The following CAPN13 variants were observed in gnomAD, a reference collection of about 807,000 sequenced individuals.
CAPN13 encodes the protein calpain-13.
In CAPN13, 90 loss-of-function variants were observed where a neutral mutation model predicts 98.4. The ratio of observed to expected loss-of-function variants is 0.92; its 90% confidence interval spans 0.77 to 1.09. The LOEUF (loss-of-function observed/expected upper bound fraction) is 1.09. Among genes scored for constraint, CAPN13 ranks in the 50% least tolerant of loss-of-function variants. The probability of loss-of-function intolerance (pLI) is 0.00; values close to 1 mark genes in which losing one functional copy is unlikely to be tolerated. For missense variants in CAPN13, 887 were observed against 841.3 expected (o/e 1.05, Z -0.67); for synonymous variants, 330 against 305.5 (o/e 1.08, Z -0.84).
intron 15 of CAPN13, 35 bp from the exon 16 acceptor site, chr2:30,738,492 T>A (rs774498205): frequency 1.6e-5 from 26 of 1,577,552 alleles, no homozygotes; most frequent in Middle Eastern, 1.7e-4. Context: ...AGGAATTATA[T>A]CAGTGCCAGG....
intron 11 of CAPN13, among the ~76,000 whole-genome samples, chr2:30,747,451 G>T (rs956451224): frequency 2.0e-5 from 3 of 152,242 alleles, no homozygotes; most frequent in African/African-American, 7.2e-5. Context: ...TTCTCTGGAG[G>T]CCAAGGGTGA....
In CAPN13 at chr2:30,757,951, C is replaced by T. The variant is rs371312580; in HGVS notation, c.866+95G>A. The T allele has an allele frequency of 7.2e-5, 63 of 870,642 alleles. 1 individual carries two copies. The highest frequency in any genetic ancestry group is 4.9e-4 in the South Asian group (26 of 53,072). The allele number at this position is 870,642 out of a possible 1,614,324, so 53.9% of individuals were successfully genotyped here. On this transcript the variant is annotated intron_variant, in intron 8 of 22. Transcript: ENST00000295055. Reference sequence around the variant, plus strand: ...AGCTGGACAGGCCTGCAGTGAGATGCGCAGTGGCTAGATAGCCCCTGCTCT... The same window carrying T: ...AGCTGGACAGGCCTGCAGTGAGATGTGCAGTGGCTAGATAGCCCCTGCTCT...
intron 15 of CAPN13, among the ~76,000 whole-genome samples, chr2:30,739,870 C>T (rs1036878719): frequency 6.6e-6 from 1 of 152,100 alleles, no homozygotes; most frequent in African/African-American, 2.4e-5. Context: ...ATGCAAGATG[C>T]CCAAAAGCTA....
intron 1 of CAPN13, among the ~76,000 whole-genome samples, chr2:30,798,533 G>A (rs2148106141): frequency 6.6e-6 from 1 of 152,334 alleles, no homozygotes; most frequent in South Asian, 2.1e-4. Flanking sequence ...TCCGCAGGAT[G>A]CTCCTAGCAT....
At chr2:30,746,916 T>C (rs988931130) in intron 11 of CAPN13, among the ~76,000 whole-genome samples, 2 of 152,216 alleles carry the variant, frequency 1.3e-5, no homozygotes, top group African/African-American at 4.8e-5. Context: ...ACAGCAATGA[T>C]GATCGCACTG....
At chr2:30,776,332 A>G (rs2148050453) in intron 3 of CAPN13, among the ~76,000 whole-genome samples, 1 of 152,194 alleles carries the variant, frequency 6.6e-6, no homozygotes, top group African/African-American at 2.4e-5. Flanking sequence ...CCCGGGTTCA[A>G]GAGATTCTCC....
chr2:30,779,496 C>T (rs1473274367), intron 2 of CAPN13, among the ~76,000 whole-genome samples: 1 of 152,218 alleles, frequency 6.6e-6, no homozygotes, highest in African/African-American at 2.4e-5. Flanking sequence ...CCTTGTAAAG[C>T]TGGACCAGTC....
In CAPN13 at chr2:30,738,259, G is replaced by T. The variant is rs558727209; in HGVS notation, c.1629C>A (p.Cys543Ter). ...CTTCCATCAGAGCCACCAAGCTGCGGCACTCATCTAAGGAGAACATGTCCC... is the reference window on the plus strand; with the variant it reads ...CTTCCATCAGAGCCACCAAGCTGCGTCACTCATCTAAGGAGAACATGTCCC... ...PPGDMFSLDE[C>*]RSLVALMELK... Residue 543 changes from cysteine (C) to a stop codon, truncating the protein, a stop_gained, in exon 17 of 23, where the codon TGC (cysteine) becomes TGA (stop). Coordinates refer to ENST00000295055, the MANE Select transcript of CAPN13 (RefSeq NM_144575.3). LOFTEE classifies it high-confidence loss of function. The T allele has an allele frequency of 6.2e-7, 1 of 1,613,992 alleles. No individual in the cohort carries two copies. The highest frequency in any genetic ancestry group is 1.1e-5 in the South Asian group (1 of 91,070).
At chr2:30,777,091 G>A (rs762517087) in intron 3 of CAPN13, among the ~76,000 whole-genome samples, 5 of 152,170 alleles carry the variant, frequency 3.3e-5, no homozygotes, top group African/African-American at 4.8e-5. Context: ...TCTTTCTGAG[G>A]TTTCTCTTGG....
intron 15 of CAPN13, chr2:30,741,509 TG>T (rs1411135012): frequency 3.8e-6 from 4 of 1,049,326 alleles, no homozygotes; most frequent in Middle Eastern, 4.6e-4. Context: ...GCAAGGATGC[TG>T]TATGTGCTTT....
chr2:30,734,272 T>G (rs1022218584), intron 19 of CAPN13, among the ~76,000 whole-genome samples, 177 bp downstream of exon 19: 10 of 152,188 alleles, frequency 6.6e-5, no homozygotes, highest in Admixed American at 2.6e-4. Flanking sequence ...CAACTGTGTT[T>G]GAGTCTGCAA....
intron 5 of CAPN13, among the ~76,000 whole-genome samples, chr2:30,768,678 T>TTTCCTTCCTTCCTTCCTTCC (rs4021142): frequency 0.032 from 4,826 of 149,240 alleles, 266 homozygotes; most frequent in African/African-American, 0.1. Context: ...AACTTTCTTT[T>TTTCCTTCCTTCCTTCCTTCC]TTCCTTCCTT....
intron 1 of CAPN13, among the ~76,000 whole-genome samples, chr2:30,802,459 GTGTA>G (rs1675336667): frequency 1.6e-5 from 2 of 122,348 alleles, no homozygotes; most frequent in Admixed American, 7.7e-5. Context: ...ATGTGTGTGT[GTGTA>G]TGTGTGTGTG....
At chr2:30,769,173 C>G (rs973626508) in intron 5 of CAPN13, among the ~76,000 whole-genome samples, 1 of 152,152 alleles carries the variant, frequency 6.6e-6, no homozygotes, top group African/African-American at 2.4e-5. Flanking sequence ...CAGTGATGGA[C>G]ACTCCATACC....
chr2:30,726,012 A>G (rs72613861), intron 22 of CAPN13, among the ~76,000 whole-genome samples: 5,902 of 152,294 alleles, frequency 0.039, 202 homozygotes, highest in East Asian at 0.14. Context: ...AACAAATGCT[A>G]GGATGAGAAC....
chr2:30,790,562 T>G (rs1208794322), intron 1 of CAPN13, among the ~76,000 whole-genome samples: 1 of 152,204 alleles, frequency 6.6e-6, no homozygotes, highest in Non-Finnish European at 1.5e-5. Context: ...ACAAAGCCTC[T>G]TTAGCTCCCC....
At chr2:30,776,602 C>A (rs1673709014) in intron 3 of CAPN13, among the ~76,000 whole-genome samples, 1 of 152,172 alleles carries the variant, frequency 6.6e-6, no homozygotes, top group African/African-American at 2.4e-5. Context: ...TCGCGTTTTT[C>A]TTTGCTGTTA....
chr2:30,768,339 G>A (rs1206194646), intron 5 of CAPN13, among the ~76,000 whole-genome samples: 2 of 152,358 alleles, frequency 1.3e-5, no homozygotes, highest in Middle Eastern at 6.8e-3. Flanking sequence ...TTGGCCTGAT[G>A]AGGAGTTCAG....
In CAPN13 at chr2:30,764,203, C is replaced by G; in HGVS notation, c.628G>C (p.Val210Leu). Residue 210 changes from valine to leucine, a missense_variant, in exon 6 of 23, where the codon GTG (valine) becomes CTG (leucine). Val to Leu is a conservative substitution (Grantham distance 32). Coordinates refer to ENST00000295055, the MANE Select transcript of CAPN13 (RefSeq NM_144575.3). ...ITNIHLHSSP[V>L]DLVKAVKTAT... The stretch of plus-strand genomic sequence containing the variant: ...GTCTTCACTGCCTTCACCAGGTCCA[C>G]AGGGGAAGAGTGCAGATGGATGTTG... The G allele has an allele frequency of 6.2e-7, 1 of 1,610,412 alleles. No homozygotes were observed. The highest frequency in any genetic ancestry group is 8.5e-7 in the Non-Finnish European group (1 of 1,178,392).
Sources: gnomAD v4.1 joint callset for allele counts (sites outside exome capture counted in the v4.1 genomes callset) on GRCh38, gnomAD v4.1.1 for gene constraint, MANE v1.5 for transcripts, NCBI Gene and HGNC (gene_info 2026-07-23, HGNC 2026-07-21) for gene names.